The following EYS variants were observed in gnomAD, a reference collection of about 807,000 sequenced individuals.
The protein encoded by EYS is protein eyes shut homolog.
Under a neutral mutation model 282.1 loss-of-function variants are expected in EYS, and 250 were observed. That is an observed-to-expected ratio of 0.89 (90% CI 0.80 to 0.98). The LOEUF is 0.98. EYS is among the 50% of genes least tolerant of loss of function. The pLI, the probability that EYS is intolerant of heterozygous loss-of-function variation, is 0.00. For synonymous variants in EYS, 1,355 were observed against 1,282.9 expected, an observed-to-expected ratio of 1.06 and a Z score of -1.20; for missense variants, 4,016 against 3,709.0, an observed-to-expected ratio of 1.08 and a Z score of -2.15.
intron 22 of EYS, among the ~76,000 whole-genome samples, chr6:64,706,559 A>G (rs1771024630): frequency 6.6e-6 from 1 of 152,106 alleles, no homozygotes; most frequent in Non-Finnish European, 1.5e-5. Flanking sequence ...CACAATCTAT[A>G]CATCTGACAA....
chr6:64,869,491 A>G (rs1382993652), intron 19 of EYS, among the ~76,000 whole-genome samples: 1 of 151,584 alleles, frequency 6.6e-6, no homozygotes, highest in African/African-American at 2.4e-5. Flanking sequence ...AAAAGATGAC[A>G]TAGTGAAGTA....
At chr6:65,657,774 C>T (rs1212174639) in intron 1 of EYS, among the ~76,000 whole-genome samples, 1 of 151,764 alleles carries the variant, frequency 6.6e-6, no homozygotes, top group Admixed American at 6.6e-5. Flanking sequence ...GAAAGAAGTT[C>T]TACTGTGGGT....
chr6:64,420,970 C>T (rs1229301939), intron 28 of EYS, among the ~76,000 whole-genome samples: 9 of 152,120 alleles, frequency 5.9e-5, no homozygotes, highest in Admixed American at 5.9e-4. Flanking sequence ...TCACCCTCTC[C>T]CTGTTACTCA....
chr6:65,677,738 C>G (rs1380119020), intron 1 of EYS, among the ~76,000 whole-genome samples: 2 of 151,846 alleles, frequency 1.3e-5, no homozygotes, highest in African/African-American at 4.8e-5. Context: ...AAAGGACCCC[C>G]AATAGCCAGA....
At chr6:64,892,169 C>T (rs565970602) in intron 18 of EYS, among the ~76,000 whole-genome samples, 16 of 151,688 alleles carry the variant, frequency 1.1e-4, no homozygotes, top group Non-Finnish European at 1.9e-4. Context: ...AATTTATAGC[C>T]CCCAAATTAG....
chr6:65,144,124 G>A (rs1464577422), intron 12 of EYS, among the ~76,000 whole-genome samples: 1 of 152,046 alleles, frequency 6.6e-6, no homozygotes, highest in East Asian at 1.9e-4. Context: ...CTTTTGTCAT[G>A]GAGGAATATA....
intron 13 of EYS, among the ~76,000 whole-genome samples, chr6:65,004,435 T>C (rs77351421): frequency 0.015 from 2,284 of 147,516 alleles, 106 homozygotes; most frequent in African/African-American, 0.052. Flanking sequence ...TCTACAATAA[T>C]TGCAGCCGCT....
chr6:64,582,697 AG>A (rs2149825543), intron 26 of EYS, among the ~76,000 whole-genome samples: 1 of 152,274 alleles, frequency 6.6e-6, no homozygotes, highest in African/African-American at 2.4e-5. Flanking sequence ...TGCACAAAAA[AG>A]TTTGTATTAT....
intron 5 of EYS, among the ~76,000 whole-genome samples, chr6:65,482,187 A>T (rs959653311): frequency 6.6e-6 from 1 of 152,182 alleles, no homozygotes; most frequent in South Asian, 2.1e-4. Context: ...TGACAATGTA[A>T]AACTAATAGC....
chr6:65,468,738 A>G (rs1480296549), intron 5 of EYS, among the ~76,000 whole-genome samples: 4 of 152,134 alleles, frequency 2.6e-5, no homozygotes, highest in Non-Finnish European at 5.9e-5. Context: ...TGGAAGCCCA[A>G]TAGAAGGAGA....
At chr6:63,983,023 A>G (rs1433912576) in intron 35 of EYS, among the ~76,000 whole-genome samples, 1 of 151,752 alleles carries the variant, frequency 6.6e-6, no homozygotes, top group Non-Finnish European at 1.5e-5. Flanking sequence ...GCATTATTAG[A>G]TTTTGAAAAA....
chr6:64,781,775 C>T (rs1773871399), intron 22 of EYS, among the ~76,000 whole-genome samples: 1 of 152,056 alleles, frequency 6.6e-6, no homozygotes, highest in South Asian at 2.1e-4. Context: ...CCCACTACCC[C>T]CAATAATTTC....
At chr6:65,420,778 A>C (rs1460087019) in intron 5 of EYS, among the ~76,000 whole-genome samples, 1 of 151,944 alleles carries the variant, frequency 6.6e-6, no homozygotes, top group Non-Finnish European at 1.5e-5. Flanking sequence ...CCATGTTAGC[A>C]GTTATGAAAA....
intron 37 of EYS, chr6:63,797,330 A>AT (rs1242416029): frequency 6.6e-6 from 1 of 152,164 alleles, no homozygotes; most frequent in African/African-American, 2.4e-5. Flanking sequence ...TAAAACAAAA[A>AT]ATATATATCT....
At chr6:63,928,655 C>G (rs543729234) in intron 35 of EYS, among the ~76,000 whole-genome samples, 2 of 152,204 alleles carry the variant, frequency 1.3e-5, no homozygotes, top group East Asian at 1.9e-4. Context: ...CTCTTGATTT[C>G]CAGTATTGGG....
intron 26 of EYS, among the ~76,000 whole-genome samples, chr6:64,530,501 T>A (rs1343291995): frequency 6.6e-6 from 1 of 152,094 alleles, no homozygotes; most frequent in Non-Finnish European, 1.5e-5. Flanking sequence ...AATAAACATA[T>A]ATGCAATAAT....
chr6:63,739,091 C>G (rs1014335806), intron 41 of EYS, among the ~76,000 whole-genome samples: 1 of 151,972 alleles, frequency 6.6e-6, no homozygotes, highest in African/African-American at 2.4e-5. Flanking sequence ...TCCTTTCTAT[C>G]GGTATGGTAT....
chr6:64,596,122 C>T (rs994934723), intron 24 of EYS, among the ~76,000 whole-genome samples: 5 of 152,020 alleles, frequency 3.3e-5, no homozygotes, highest in African/African-American at 4.8e-5. Context: ...ATAACCAGAT[C>T]TCACAGGAAC....
At chr6:64,208,619 T>C (rs1257333339) in intron 31 of EYS, among the ~76,000 whole-genome samples, 1 of 152,132 alleles carries the variant, frequency 6.6e-6, no homozygotes, top group Non-Finnish European at 1.5e-5. Context: ...ATGTATAAAA[T>C]GTAAATATTT....
Sources: gnomAD v4.1 joint callset for allele counts (sites outside exome capture counted in the v4.1 genomes callset) on GRCh38, gnomAD v4.1.1 for gene constraint, MANE v1.5 for transcripts, NCBI Gene and HGNC (gene_info 2026-07-23, HGNC 2026-07-21) for gene names.